RGS3: variants seen among roughly 807,000 people sequenced by gnomAD.
RGS3 encodes regulator of G protein signaling 3.
RGS3 carries 80 observed loss-of-function variants against 132.6 expected under a neutral mutation model. The ratio of observed to expected loss-of-function variants is 0.60; its 90% CI spans 0.50 to 0.73. The LOEUF (loss-of-function observed/expected upper bound fraction) is 0.73. Ranked by LOEUF, RGS3 falls within the 30% of genes least tolerant of loss-of-function variation. The pLI, the probability that RGS3 is intolerant of heterozygous loss-of-function variation, is 0.00. For synonymous variants in RGS3, 598 were observed against 620.6 expected (o/e 0.96, Z 0.54); for missense variants, 1,382 against 1,530.8 (o/e 0.90, Z 1.62).
At chr9:113,596,992 G>T (rs560232268) in exon 25 of RGS3, 2 of 1,543,284 alleles carry the variant, frequency 1.3e-6, no homozygotes, top group Middle Eastern at 1.7e-4. Context: ...CACCAGGCGG[G>T]CTGGGTCCCC....
In RGS3 at chr9:113,479,937, T is replaced by C. The variant is rs927191545; in HGVS notation, c.466+396T>C. ...ATTCATTGGTTGACAGGCAGCATAG[T>C]ATCATGGTTAAGATCATAGTCTTTG... On this transcript the variant is annotated intron_variant, in intron 4 of 24. Coordinates refer to ENST00000350696, the Ensembl canonical transcript of RGS3. Among the ~76,000 whole-genome samples the C allele has an allele frequency of 3.9e-5, 6 of 152,328 alleles. No individual in the cohort carries two copies. The South Asian group carries it at 1.2e-3, about 32-fold the overall frequency.
chr9:113,483,710 G>T (rs1830237279), intron 5 of RGS3, among the ~76,000 whole-genome samples: 1 of 152,204 alleles, frequency 6.6e-6, no homozygotes, highest in Non-Finnish European at 1.5e-5. Flanking sequence ...CAGGAGCAGG[G>T]CTAGAACAGC....
chr9:113,492,240 C>T (rs886249351), intron 7 of RGS3, among the ~76,000 whole-genome samples: 1 of 152,100 alleles, frequency 6.6e-6, no homozygotes, highest in Non-Finnish European at 1.5e-5. Flanking sequence ...ATACTATTCC[C>T]CATATGTGCT....
At position 113,523,608 on chromosome 9, in the gene RGS3, T is replaced by A. The variant is rs372572967; in HGVS notation, c.1870+567T>A. On this transcript the variant is annotated intron_variant, in intron 17 of 24. Transcript: ENST00000350696. ...CAAGCCGCTGGGGCTCAGGCACATG[T>A]GGGAGCGTGGAGGGAATTTCTAACC... Among the ~76,000 whole-genome samples, 6 of 152,194 alleles carry A rather than the reference T, an allele frequency of 3.9e-5. No individual in the cohort carries two copies. The East Asian group carries it at 1.2e-3, about 29-fold the overall frequency.
At chr9:113,453,105 A>G (rs1317488312) in intron 1 of RGS3, among the ~76,000 whole-genome samples, 1 of 135,076 alleles carries the variant, frequency 7.4e-6, no homozygotes, top group Non-Finnish European at 1.5e-5. Flanking sequence ...TTTTATATAA[A>G]TTTACATACT....
intron 6 of RGS3, among the ~76,000 whole-genome samples, chr9:113,484,437 A>G (rs1205316957): frequency 2.0e-5 from 3 of 151,914 alleles, no homozygotes; most frequent in Non-Finnish European, 2.9e-5. Context: ...CAGGCCCAGC[A>G]GCGAGGTCCA....
At chr9:113,583,239 G>T in intron 19 of RGS3, 1 of 820,902 alleles carries the variant, frequency 1.2e-6, no homozygotes, top group Non-Finnish European at 1.8e-6. Context: ...CTGTGTTTTT[G>T]ATGGAGCAGA....
chr9:113,584,033 G>A (rs757102782), exon 20 of RGS3: 2 of 1,614,160 alleles, frequency 1.2e-6, no homozygotes, highest in Non-Finnish European at 1.7e-6. Context: ...GCAGAGCAGG[G>A]CTGCTCGGGA....
At chr9:113,574,337 T>C (rs879373651) in intron 19 of RGS3, among the ~76,000 whole-genome samples, 2 of 152,114 alleles carry the variant, frequency 1.3e-5, no homozygotes, top group Non-Finnish European at 2.9e-5. Flanking sequence ...TCCCATCTTT[T>C]CCCCCCTATT....
chr9:113,554,844 T>C (rs1833502430), intron 19 of RGS3, among the ~76,000 whole-genome samples: 2 of 152,218 alleles, frequency 1.3e-5, no homozygotes, highest in Admixed American at 6.5e-5. Context: ...TCAAGTTTTT[T>C]TGGGGGGTTG....
At chr9:113,583,792 C>A in exon 20 of RGS3, 1 of 1,614,210 alleles carries the variant, frequency 6.2e-7, no homozygotes, top group Non-Finnish European at 8.5e-7. Context: ...TCACCAGGAC[C>A]CTCTACTCAC....
chr9:113,561,803 T>C (rs975650857), intron 19 of RGS3, among the ~76,000 whole-genome samples: 25 of 152,188 alleles, frequency 1.6e-4, no homozygotes, highest in Non-Finnish European at 3.2e-4. Context: ...GTGTGGGCTG[T>C]AGGGGAGCAG....
intron 7 of RGS3, among the ~76,000 whole-genome samples, chr9:113,487,400 C>T (rs529966758): frequency 2.0e-5 from 3 of 152,142 alleles, no homozygotes; most frequent in African/African-American, 4.8e-5. Context: ...CGTGAGCCAC[C>T]GCGCCCGGCC....
chr9:113,530,827 T>C (rs1333370639), intron 18 of RGS3, among the ~76,000 whole-genome samples: 1 of 152,214 alleles, frequency 6.6e-6, no homozygotes, highest in African/African-American at 2.4e-5. Flanking sequence ...CTCTCTTCTC[T>C]TAATGGGTTG....
intron 22 of RGS3, 107 bp downstream of exon 20, chr9:113,594,638 G>A (rs1835660823): frequency 1.1e-6 from 1 of 937,744 alleles, no homozygotes; most frequent in African/African-American, 1.6e-5. Context: ...GCTTGATCCA[G>A]CTCTGGGGGA....
intron 1 of RGS3, among the ~76,000 whole-genome samples, chr9:113,453,047 A>G (rs1418700925): frequency 1.5e-5 from 2 of 134,486 alleles, no homozygotes; most frequent in African/African-American, 5.5e-5. Context: ...TATATAATAT[A>G]TAATATATAA....
intron 18 of RGS3, among the ~76,000 whole-genome samples, chr9:113,533,286 A>C (rs1832550242): frequency 1.3e-5 from 2 of 149,908 alleles, no homozygotes; most frequent in South Asian, 4.2e-4. Context: ...GCTGAAGTGC[A>C]ATGGTGCGAT....
intron 15 of RGS3, among the ~76,000 whole-genome samples, chr9:113,516,485 G>T (rs892312360): frequency 2.0e-5 from 3 of 151,862 alleles, no homozygotes; most frequent in African/African-American, 7.3e-5. Flanking sequence ...AGCCTCCCAA[G>T]TAGCTGGGAT....
chr9:113,451,297 A>G (rs1829239120), intron 1 of RGS3, among the ~76,000 whole-genome samples: 1 of 152,134 alleles, frequency 6.6e-6, no homozygotes, highest in African/African-American at 2.4e-5. Context: ...ACTAACTTAG[A>G]TATGTCCTCT....
Sources: gnomAD v4.1 joint callset for allele counts (sites outside exome capture counted in the v4.1 genomes callset) on GRCh38, gnomAD v4.1.1 for gene constraint, MANE v1.5 for transcripts, NCBI Gene and HGNC (gene_info 2026-07-23, HGNC 2026-07-21) for gene names.